Variants in SFMBT2 observed in about 807,000 individuals in gnomAD.
The protein encoded by SFMBT2 is scm-like with four MBT domains protein 2.
In SFMBT2, 38 loss-of-function variants were observed where a neutral mutation model predicts 110.1. The ratio of observed to expected loss-of-function variants is 0.35; its 90% CI spans 0.27 to 0.45. The LOEUF (loss-of-function observed/expected upper bound fraction) is 0.45. Ranked by LOEUF, SFMBT2 falls within the 20% of genes least tolerant of loss-of-function variation. SFMBT2 has a pLI of 1.00. For synonymous variants in SFMBT2, 425 were observed against 425.4 expected (o/e 1.00, Z 0.01); for missense variants, 1,011 against 1,094.9 (o/e 0.92, Z 1.08).
At chr10:7,302,889 C>T (rs1842591097) in intron 4 of SFMBT2, among the ~76,000 whole-genome samples, 1 of 152,086 alleles carries the variant, frequency 6.6e-6, no homozygotes, top group Admixed American at 6.5e-5. Flanking sequence ...AATAACAGAA[C>T]AGGAAATTTA....
intron 4 of SFMBT2, among the ~76,000 whole-genome samples, chr10:7,288,972 G>A (rs573725382): frequency 1.7e-4 from 25 of 150,130 alleles, no homozygotes; most frequent in Admixed American, 1.2e-3. Context: ...TAGCCTGGGC[G>A]ACAGAGCGAG....
chr10:7,384,894 AAAC>A (rs1845546183), intron 1 of SFMBT2, among the ~76,000 whole-genome samples: 1 of 152,194 alleles, frequency 6.6e-6, no homozygotes, highest in East Asian at 1.9e-4. Flanking sequence ...CCACAGAACT[AAAC>A]ATCACCTAAC....
At chr10:7,167,834 C>T (rs991722051) in intron 20 of SFMBT2, among the ~76,000 whole-genome samples, 3 of 152,032 alleles carry the variant, frequency 2.0e-5, no homozygotes, top group African/African-American at 4.8e-5. Context: ...TTTTCTCTCT[C>T]GTAAGAGAAA....
intron 2 of SFMBT2, among the ~76,000 whole-genome samples, chr10:7,372,775 G>A (rs1845097249): frequency 6.6e-6 from 1 of 152,204 alleles, no homozygotes; most frequent in East Asian, 1.9e-4. Context: ...CTATTGCTCT[G>A]CCCCAACGTC....
chr10:7,224,810 C>A (rs1385185102), intron 10 of SFMBT2, among the ~76,000 whole-genome samples: 1 of 152,194 alleles, frequency 6.6e-6, no homozygotes, highest in Non-Finnish European at 1.5e-5. Context: ...GATTTATATA[C>A]TTATGGATAC....
intron 7 of SFMBT2, chr10:7,249,328 T>C (rs1840724233): frequency 4.8e-6 from 1 of 209,292 alleles, no homozygotes; most frequent in South Asian, 1.7e-4. Context: ...GAGATGGGGC[T>C]TTCCCGCCTC....
At chr10:7,266,444 C>A (rs115201186) in intron 7 of SFMBT2, among the ~76,000 whole-genome samples, 2,719 of 152,210 alleles carry the variant, frequency 0.018, 70 homozygotes, top group African/African-American at 0.062. Flanking sequence ...AGGGGCCATG[C>A]AGGAATCTGG....
intron 6 of SFMBT2, among the ~76,000 whole-genome samples, chr10:7,278,445 G>A (rs1296514505): frequency 1.3e-5 from 2 of 152,166 alleles, no homozygotes; most frequent in African/African-American, 4.8e-5. Flanking sequence ...AGAGACAGAA[G>A]GCCACTCAGG....
chr10:7,390,496 G>A (rs968907359), intron 1 of SFMBT2, among the ~76,000 whole-genome samples: 7 of 152,050 alleles, frequency 4.6e-5, no homozygotes, highest in African/African-American at 1.7e-4. Context: ...TGTCAAAGGA[G>A]AAACATCTTA....
At chr10:7,269,136 T>A (rs568060544) in intron 7 of SFMBT2, among the ~76,000 whole-genome samples, 11 of 152,354 alleles carry the variant, frequency 7.2e-5, no homozygotes, top group African/African-American at 2.4e-4. Flanking sequence ...CAACTATTTA[T>A]CCTTCAACTG....
chr10:7,231,155 C>G (rs958426550), intron 9 of SFMBT2, among the ~76,000 whole-genome samples: 1 of 152,104 alleles, frequency 6.6e-6, no homozygotes, highest in Non-Finnish European at 1.5e-5. Context: ...CAAGGCATTC[C>G]TCTAAGAAGA....
At chr10:7,251,782 T>C (rs1483682406) in intron 7 of SFMBT2, among the ~76,000 whole-genome samples, 1 of 152,126 alleles carries the variant, frequency 6.6e-6, no homozygotes, top group Non-Finnish European at 1.5e-5. Flanking sequence ...CCTCCTTCTC[T>C]GTGCAGGACC....
rs764896068 is a variant in SFMBT2, at chr10:7,188,781, C to T, written c.1699-48G>A. ...GACTGAGCTGCAATTGCATTCATTC[C>T]TACTAACACAAGGATGCTTTGAAAA... On this transcript the variant is annotated intron_variant, in intron 15 of 20. Transcript: ENST00000397167. The T allele has an allele frequency of 5.4e-6, 8 of 1,484,030 alleles. No individual in the cohort carries two copies. The Admixed American group carries it at 1.4e-4, about 26-fold the overall frequency. 91.9% of individuals were successfully genotyped at this position (1,484,030 alleles called of 1,614,324 possible).
intron 11 of SFMBT2, among the ~76,000 whole-genome samples, chr10:7,218,579 T>C (rs1839618657): frequency 6.6e-6 from 1 of 152,226 alleles, no homozygotes; most frequent in Non-Finnish European, 1.5e-5. Context: ...TATTTTCTGA[T>C]CTGTTTCCTA....
intron 10 of SFMBT2, among the ~76,000 whole-genome samples, chr10:7,225,060 G>C (rs1839857573): frequency 6.6e-6 from 1 of 152,164 alleles, no homozygotes; most frequent in African/African-American, 2.4e-5. Flanking sequence ...ATTTGTTTCT[G>C]CAAGTTACCC....
At chr10:7,218,587 C>T (rs184421710) in intron 11 of SFMBT2, among the ~76,000 whole-genome samples, 103 of 152,224 alleles carry the variant, frequency 6.8e-4, no homozygotes, top group African/African-American at 2.4e-3. Context: ...GATCTGTTTC[C>T]TAACACTAAC....
At chr10:7,173,758 T>TA (rs1837962385) in intron 17 of SFMBT2, among the ~76,000 whole-genome samples, 1 of 152,158 alleles carries the variant, frequency 6.6e-6, no homozygotes, top group Non-Finnish European at 1.5e-5. Context: ...AGCCACAAAA[T>TA]AACTGAATGC....
At chr10:7,204,246 T>C in intron 12 of SFMBT2, 1 of 679,088 alleles carries the variant, frequency 1.5e-6, no homozygotes. Flanking sequence ...CTGGTGCTCT[T>C]AATAATGCTA....
rs1837546209 is a variant in SFMBT2, at chr10:7,161,365, G to A, written c.*2405C>T. 6.6e-6 allele frequency: 1 copy of A among 152,240 alleles called. No individual in the cohort carries two copies. The highest frequency in any genetic ancestry group is 2.1e-4 in the South Asian group (1 of 4,826). The allele number at this position is 152,240 out of a possible 1,614,324, so 9.4% of individuals were successfully genotyped here. On this transcript the variant is annotated 3_prime_UTR_variant, in exon 21 of 21. Coordinates refer to ENST00000397167, the MANE Select transcript of SFMBT2 (RefSeq NM_001387889.1). The stretch of plus-strand genomic sequence containing the variant: ...CCTCACCCTCGTCTCAAATACAACA[G>A]GAACAGCTGAGCTTGAAAAGGCCAC...
Sources: allele counts gnomAD v4.1 joint callset (sites outside exome capture counted in the v4.1 genomes callset), GRCh38; gene constraint gnomAD v4.1.1; transcripts MANE v1.5; gene names NCBI Gene and HGNC (gene_info 2026-07-23, HGNC 2026-07-21).